PREX1: variants seen among roughly 807,000 people sequenced by gnomAD.
PREX1 encodes phosphatidylinositol-3,4,5-trisphosphate dependent Rac exchange factor 1, also known as phosphatidylinositol 3,4,5-trisphosphate-dependent Rac exchanger 1 protein.
Under a neutral mutation model 198.3 loss-of-function variants are expected in PREX1, and 41 were observed. That is an observed-to-expected ratio of 0.21 (90% confidence interval 0.16 to 0.27). The LOEUF is 0.27. PREX1 is among the 10% of genes least tolerant of loss of function. The pLI is 1.00. For synonymous variants in PREX1, 843 were observed against 887.2 expected, an observed-to-expected ratio of 0.95 and a Z score of 0.89; for missense variants, 1,620 against 2,200.7, an observed-to-expected ratio of 0.74 and a Z score of 5.28.
rs6095306 is a variant in PREX1, at chr20:48,819,429, A to G, written c.219+8213T>C. Reference sequence around the variant, plus strand: ...CTCCTTCAGGACTTGGTCAAATGTCATCTCCCTAGAAAAGCCTTCCTTGCC... The same window carrying G: ...CTCCTTCAGGACTTGGTCAAATGTCGTCTCCCTAGAAAAGCCTTCCTTGCC... On this transcript the variant is annotated intron_variant, in intron 1 of 39. Coordinates refer to ENST00000371941, the MANE Select transcript of PREX1 (RefSeq NM_020820.4). 9.1e-3 allele frequency among the ~76,000 whole-genome samples: 1,387 copies of G among 152,270 alleles called. 15 individuals are homozygous for G. Among genetic ancestry groups the G allele is most frequent in the African/African-American group, 0.03 (1,246 of 41,538 alleles).
chr20:48,870,230 C>T, the PREX1 span, among the ~76,000 whole-genome samples: 1 of 152,130 alleles, frequency 6.6e-6, no homozygotes. Flanking sequence ...CAATTACACA[C>T]CTTATTGTTT....
intron 5 of PREX1, among the ~76,000 whole-genome samples, chr20:48,712,735 C>T (rs573925995): frequency 6.6e-6 from 1 of 152,332 alleles, no homozygotes; most frequent in South Asian, 2.1e-4. Flanking sequence ...GTTCACGGGG[C>T]ATGTTGGCTC....
intron 5 of PREX1, among the ~76,000 whole-genome samples, chr20:48,713,872 A>AAAAAG (rs1568836125): frequency 2.7e-5 from 4 of 147,720 alleles, no homozygotes; most frequent in Non-Finnish European, 3.0e-5. Flanking sequence ...AAAAAAAAAA[A>AAAAAG]AAAAGAAAAT....
chr20:48,716,426 G>A (rs1393321654), intron 5 of PREX1, among the ~76,000 whole-genome samples: 1 of 152,174 alleles, frequency 6.6e-6, no homozygotes, highest in African/African-American at 2.4e-5. Context: ...GAGGCGCAGG[G>A]CCTCAAACCC....
chr20:48,711,086 G>A (rs2089928813), intron 5 of PREX1, among the ~76,000 whole-genome samples: 1 of 152,252 alleles, frequency 6.6e-6, no homozygotes, highest in African/African-American at 2.4e-5. Flanking sequence ...GGGATGGAAT[G>A]TGCAGTGAAT....
rs1311228655 is a variant in PREX1, at chr20:48,649,983, C to A, written c.3028+13G>T. 2.5e-6 allele frequency: 4 copies of A among 1,612,596 alleles called. No individual in the cohort carries two copies. The African/African-American group carries it at 5.3e-5, about 22-fold the overall frequency. ...ACATCTGAACACAGTTTCTAATAGA[C>A]ACACACAGGTACCTTGCTCCGGGTC... is the stretch of plus-strand genomic sequence containing the variant. On this transcript the variant is annotated intron_variant, in intron 24 of 39. Transcript: ENST00000371941.
chr20:48,635,554 T>C (rs1280765639), intron 32 of PREX1, among the ~76,000 whole-genome samples: 1 of 152,170 alleles, frequency 6.6e-6, no homozygotes, highest in Non-Finnish European at 1.5e-5. Context: ...CCTTTGTACA[T>C]GCTGGTCCCT....
At chr20:48,656,252 T>C (rs950836014) in intron 18 of PREX1, among the ~76,000 whole-genome samples, 5 of 152,154 alleles carry the variant, frequency 3.3e-5, no homozygotes, top group Admixed American at 2.6e-4. Flanking sequence ...TACCTACCCC[T>C]AGCACGGGTC....
At chr20:48,766,591 T>A (rs1003158195) in intron 1 of PREX1, among the ~76,000 whole-genome samples, 1 of 152,216 alleles carries the variant, frequency 6.6e-6, no homozygotes, top group Non-Finnish European at 1.5e-5. Context: ...TCCTGCCAGC[T>A]GCTTCAAGTC....
At chr20:48,645,733 C>T in intron 26 of PREX1, 118 bp downstream of exon 26, 1 of 1,184,222 alleles carries the variant, frequency 8.4e-7, no homozygotes. Context: ...AGCAACAGCA[C>T]CCTGAGCCCA....
chr20:48,864,453 T>C, the PREX1 span, among the ~76,000 whole-genome samples: 1 of 152,234 alleles, frequency 6.6e-6, no homozygotes, highest in Admixed American at 6.5e-5. Flanking sequence ...TGCCAAATGT[T>C]GTTCAAAAAA....
At chr20:48,637,593 A>T in intron 31 of PREX1, 118 bp downstream of exon 31, 1 of 1,050,100 alleles carries the variant, frequency 9.5e-7, no homozygotes, top group Non-Finnish European at 1.3e-6. Context: ...TAGCTCTTGG[A>T]GGGGCTCCAG....
intron 27 of PREX1, 60 bp from the exon 28 acceptor site, chr20:48,642,549 AG>A: frequency 7.0e-7 from 1 of 1,429,626 alleles, no homozygotes; most frequent in South Asian, 1.3e-5. Context: ...CACCATCCCC[AG>A]CACTTTCCTA....
chr20:48,738,511 G>T (rs1033338984), intron 3 of PREX1, among the ~76,000 whole-genome samples: 3 of 152,174 alleles, frequency 2.0e-5, no homozygotes, highest in Admixed American at 1.3e-4. Flanking sequence ...TGCATCTCAG[G>T]CCTGAGACCC....
chr20:48,724,594 TG>T (rs1191449116), intron 5 of PREX1, among the ~76,000 whole-genome samples: 2 of 152,224 alleles, frequency 1.3e-5, no homozygotes, highest in African/African-American at 4.8e-5. Flanking sequence ...CATATTCTTC[TG>T]GGGTTTTGCT....
chr20:48,883,219 A>C, the PREX1 span, among the ~76,000 whole-genome samples: 123,149 of 151,942 alleles, frequency 0.81, 50,657 homozygotes, highest in African/African-American at 0.94. Context: ...CAGGCATGAG[A>C]CACCGTGCCT....
intron 5 of PREX1, among the ~76,000 whole-genome samples, chr20:48,717,825 T>G (rs375034236): frequency 1.3e-5 from 2 of 152,220 alleles, no homozygotes; most frequent in East Asian, 3.8e-4. Context: ...AAGTTCCTGT[T>G]CTGGCTTTGA....
chr20:48,692,894 C>T (rs2089826762), intron 7 of PREX1, 104 bp from the exon 8 acceptor site: 1 of 946,656 alleles, frequency 1.1e-6, no homozygotes, highest in African/African-American at 1.6e-5. Context: ...ATCCAGGGGA[C>T]AGAGAGGAGC....
At chr20:48,866,789 T>A in the PREX1 span, among the ~76,000 whole-genome samples, 1 of 151,912 alleles carries the variant, frequency 6.6e-6, no homozygotes, top group Non-Finnish European at 1.5e-5. Context: ...ATTAGCCAAG[T>A]ATGGTGGCAC....
Sources: gnomAD v4.1 joint callset for allele counts (sites outside exome capture counted in the v4.1 genomes callset) on GRCh38, gnomAD v4.1.1 for gene constraint, MANE v1.5 for transcripts, NCBI Gene and HGNC (gene_info 2026-07-23, HGNC 2026-07-21) for gene names.